The following ABL1 variants were observed in gnomAD, a reference collection of about 807,000 sequenced individuals.
The protein encoded by ABL1 is tyrosine-protein kinase ABL1.
ABL1 carries 11 observed loss-of-function variants against 94.7 expected under a neutral mutation model. The observed-to-expected ratio is 0.12, with a 90% CI of 0.07 to 0.19. The LOEUF (loss-of-function observed/expected upper bound fraction) is 0.19. ABL1 is among the 10% of genes least tolerant of loss of function. ABL1 has a pLI of 1.00. For synonymous variants in ABL1, 656 were observed against 622.4 expected, an observed-to-expected ratio of 1.05 and a Z score of -0.80; for missense variants, 1,082 against 1,489.4, an observed-to-expected ratio of 0.73 and a Z score of 4.50.
chr9:130,872,916 A>G lies in ABL1; in HGVS notation c.964A>G (p.Asn322Asp), dbSNP rs1167422184. Reference sequence around the variant, plus strand: ...CATCACTGAGTTCATGACCTACGGGAACCTCCTGGACTACCTGAGGGAGTG... The same window carrying G: ...CATCACTGAGTTCATGACCTACGGGGACCTCCTGGACTACCTGAGGGAGTG... ...YIITEFMTYG[N>D]LLDYLRECNR... The change falls in exon 6 of 11, where the codon AAC becomes GAC. Residue 322 changes from asparagine (N) to aspartate (D), a missense_variant. This residue lies in a region of ABL1 where 92 missense variants were observed against 212.3 expected (regional missense o/e 0.43). Coordinates refer to ENST00000318560, the MANE Select transcript of ABL1 (RefSeq NM_005157.6). This position sits in a 1 kb window ranked among gnomAD's most constrained non-coding sequence, Gnocchi z 5.0. 2 of 1,614,184 alleles carry G rather than the reference A, an allele frequency of 1.2e-6. No homozygotes were observed. The highest frequency in any genetic ancestry group is 3.3e-5 in the Admixed American group (2 of 60,024).
chr9:130,873,940 A>G (rs1011617802), intron 6 of ABL1, among the ~76,000 whole-genome samples: 1 of 152,196 alleles, frequency 6.6e-6, no homozygotes. Context: ...CCTGATCCAG[A>G]TACTCCTGGC....
chr9:130,880,694 G>C lies in ABL1; in HGVS notation c.1678+30G>C, dbSNP rs2133025079. On this transcript the variant is annotated intron_variant, in intron 10 of 10. Transcript: ENST00000318560. This position sits in a 1 kb window ranked among gnomAD's most constrained non-coding sequence, Gnocchi z 4.4. ...GTCCCCCGCTTCCCCCAACCCCACTGCTCTTCCCTTCCCTGCCAGAGGCTA... is the reference window on the plus strand; with the variant it reads ...GTCCCCCGCTTCCCCCAACCCCACTCCTCTTCCCTTCCCTGCCAGAGGCTA... 1.9e-6 allele frequency: 3 copies of C among 1,608,476 alleles called. No homozygotes were observed. The highest frequency in any genetic ancestry group is 1.7e-6 in the Non-Finnish European group (2 of 1,177,638).
intron 1 of ABL1, among the ~76,000 whole-genome samples, chr9:130,748,916 A>G (rs1247803074): frequency 6.6e-6 from 1 of 152,196 alleles, no homozygotes; most frequent in African/African-American, 2.4e-5. Flanking sequence ...ACTCTAAATT[A>G]TGCTTATTTA....
intron 1 of ABL1, among the ~76,000 whole-genome samples, chr9:130,759,170 CT>C (rs1254790317): frequency 6.6e-6 from 1 of 152,202 alleles, no homozygotes; most frequent in African/African-American, 2.4e-5. Context: ...ACCCGCTTAA[CT>C]TCCCAATTTG....
chr9:130,725,442 G>A (rs188352432), intron 1 of ABL1, among the ~76,000 whole-genome samples: 26 of 152,168 alleles, frequency 1.7e-4, no homozygotes, highest in Middle Eastern at 3.4e-3. Context: ...GTGCAATGGC[G>A]CGATCTCGGC....
rs181608058 is a variant in ABL1, at chr9:130,809,441, T to C, written c.137-44623T>C. ...GAGTGTGTGTGTGTGTGTGTGTGTG[T>C]GTGCACGTGTGAAGAAATTTATTGT... is the stretch of plus-strand genomic sequence containing the variant. On this transcript the variant is annotated intron_variant, in intron 1 of 10. Coordinates refer to the ABL1 transcript ENST00000372348. Among the ~76,000 whole-genome samples the C allele has an allele frequency of 1.8e-3, 272 of 149,064 alleles. 3 individuals carry two copies. Among genetic ancestry groups the C allele is most frequent in the African/African-American group, 6.4e-3 (258 of 40,414 alleles).
chr9:130,840,679 A>G (rs1395891016), intron 1 of ABL1, among the ~76,000 whole-genome samples: 2 of 152,046 alleles, frequency 1.3e-5, no homozygotes, highest in Non-Finnish European at 2.9e-5. Context: ...TTTTAAAACT[A>G]TCTCTTTTTT....
chr9:130,884,980 C>A lies in ABL1; in HGVS notation c.2690C>A (p.Pro897His), dbSNP rs747618171. The A allele has an allele frequency of 5.6e-6, 9 of 1,610,704 alleles. No individual in the cohort carries two copies. The highest frequency in any genetic ancestry group is 6.8e-6 in the Non-Finnish European group (8 of 1,179,280). The change falls in exon 11 of 11, where the codon CCT (proline) becomes CAT (histidine). Residue 897 changes from proline (P) to histidine (H), a missense_variant. Around this residue, in one of 7 missense-constraint regions of ABL1, gnomAD observed 780 missense variants for 835.8 expected, o/e 0.93. Coordinates refer to ENST00000318560, the MANE Select transcript of ABL1 (RefSeq NM_005157.6). This position sits in a 1 kb window ranked among gnomAD's most constrained non-coding sequence, Gnocchi z 5.6. Reference sequence around the variant, plus strand: ...AAGGGGAAATTGTCCAGGCTCAAACCTGCCCCGCCGCCCCCACCAGCAGCC... The same window carrying A: ...AAGGGGAAATTGTCCAGGCTCAAACATGCCCCGCCGCCCCCACCAGCAGCC... Reference protein sequence around the residue: ...RDKGKLSRLKPAPPPPPAASA... With the variant: ...RDKGKLSRLKHAPPPPPAASA...
intron 1 of ABL1, among the ~76,000 whole-genome samples, chr9:130,826,333 C>G (rs952614189): frequency 2.0e-5 from 3 of 151,888 alleles, no homozygotes; most frequent in Non-Finnish European, 2.9e-5. Context: ...GTTGGCCAGG[C>G]TGGTCTCAAA....
intron 2 of ABL1, among the ~76,000 whole-genome samples, 179 bp downstream of exon 2, chr9:130,854,416 C>T (rs932587419): frequency 2.6e-4 from 39 of 152,166 alleles, no homozygotes; most frequent in Admixed American, 2.4e-3. Context: ...AGTTCTTGTA[C>T]AATAGCCCTG....
At chr9:130,780,415 C>T (rs1325374022) in intron 1 of ABL1, among the ~76,000 whole-genome samples, 3 of 152,182 alleles carry the variant, frequency 2.0e-5, no homozygotes, top group African/African-American at 7.2e-5. Flanking sequence ...TATCTGGATC[C>T]AGGCCATGCA....
intron 1 of ABL1, among the ~76,000 whole-genome samples, chr9:130,731,732 G>C (rs1224511439): frequency 6.6e-6 from 1 of 152,070 alleles, no homozygotes; most frequent in Non-Finnish European, 1.5e-5. Context: ...GTCTTGGCTT[G>C]CTCCTTTGTA....
intron 1 of ABL1, among the ~76,000 whole-genome samples, chr9:130,796,860 C>T (rs1347683141): frequency 4.4e-5 from 6 of 136,462 alleles, no homozygotes; most frequent in South Asian, 4.9e-4. Flanking sequence ...GTAGAGGTTG[C>T]GGTGAGCTGA....
At chr9:130,817,037 C>A (rs1047440099) in intron 1 of ABL1, among the ~76,000 whole-genome samples, 4 of 152,184 alleles carry the variant, frequency 2.6e-5, no homozygotes, top group Non-Finnish European at 5.9e-5. Context: ...TCATCCCTCC[C>A]AGCCCTGGCA....
intron 1 of ABL1, among the ~76,000 whole-genome samples, chr9:130,822,267 C>G (rs373002355): frequency 6.6e-6 from 1 of 152,130 alleles, no homozygotes; most frequent in Non-Finnish European, 1.5e-5. Context: ...CCACCACGAC[C>G]GGTCAAATTG....
At chr9:130,792,580 G>A (rs974245912) in intron 1 of ABL1, among the ~76,000 whole-genome samples, 3 of 152,124 alleles carry the variant, frequency 2.0e-5, no homozygotes, top group African/African-American at 7.2e-5. Context: ...GAAGAAGTAC[G>A]GAATTGGGGG....
chr9:130,819,139 G>A (rs1830326199), intron 1 of ABL1, among the ~76,000 whole-genome samples: 2 of 152,110 alleles, frequency 1.3e-5, no homozygotes, highest in African/African-American at 4.8e-5. Context: ...AGATCACAAG[G>A]TCAGGAGTTC....
chr9:130,814,993 A>G lies in ABL1; in HGVS notation c.137-39071A>G, dbSNP rs1447889587. 1.3e-5 allele frequency among the ~76,000 whole-genome samples: 2 copies of G among 152,228 alleles called. No individual in the cohort carries two copies. The highest frequency in any genetic ancestry group is 4.8e-5 in the African/African-American group (2 of 41,458). ...AAAATGCATGTGCAACAGAGGATCTAGAGTAGCCAAAATAAGCTCCTCTGT... is the reference window on the plus strand; with the variant it reads ...AAAATGCATGTGCAACAGAGGATCTGGAGTAGCCAAAATAAGCTCCTCTGT... On this transcript the variant is annotated intron_variant, in intron 1 of 10. Coordinates refer to the ABL1 transcript ENST00000372348. The surrounding 1 kb of genome is among the most constrained non-coding windows in gnomAD (Gnocchi z 4.4).
intron 1 of ABL1, among the ~76,000 whole-genome samples, chr9:130,808,486 C>T (rs1432718111): frequency 6.6e-6 from 1 of 152,108 alleles, no homozygotes; most frequent in Admixed American, 6.5e-5. Flanking sequence ...TCAGGTGATT[C>T]GCCCACCTTG....
Sources: allele counts gnomAD v4.1 joint callset (sites outside exome capture counted in the v4.1 genomes callset), GRCh38; gene constraint gnomAD v4.1.1; regional missense constraint gnomAD v4.1.1; non-coding constraint Gnocchi (gnomAD v3.1); transcripts MANE v1.5; gene names NCBI Gene and HGNC (gene_info 2026-07-23, HGNC 2026-07-21).